The following FREM1 variants were observed in gnomAD, a reference collection of about 807,000 sequenced individuals.
FREM1 encodes the protein FRAS1 related extracellular matrix 1.
A neutral mutation model predicts 210.1 loss-of-function variants in FREM1; 220 were observed. The ratio of observed to expected loss-of-function variants is 1.05; its 90% CI spans 0.94 to 1.17. FREM1 has a LOEUF of 1.17. Among genes scored for constraint, FREM1 ranks in the 50% most tolerant of loss-of-function variants. The pLI, the probability that FREM1 is intolerant of heterozygous loss-of-function variation, is 0.00. For synonymous variants in FREM1, 1,189 were observed against 980.2 expected, an observed-to-expected ratio of 1.21 and a Z score of -3.98; for missense variants, 3,454 against 2,675.5, an observed-to-expected ratio of 1.29 and a Z score of -6.42.
At chr9:14,872,264 G>A (rs1050540377) in intron 1 of FREM1, among the ~76,000 whole-genome samples, 6 of 152,210 alleles carry the variant, frequency 3.9e-5, no homozygotes, top group African/African-American at 1.4e-4. Flanking sequence ...TGGGCAGTAT[G>A]GCCATTTTCA....
At position 14,836,884 on chromosome 9, in the gene FREM1, G is replaced by C. The variant is rs1258226529; in HGVS notation, c.1881+4563C>G. Among the ~76,000 whole-genome samples, 2 of 152,178 alleles carry C rather than the reference G, an allele frequency of 1.3e-5. No individual in the cohort carries two copies. The highest frequency in any genetic ancestry group is 4.1e-4 in the South Asian group (2 of 4,830). ...TGATATTGCCGCAGGGAGGAATGTG[G>C]TAGGAGTTATTAAGAAAAAGAAATT... On this transcript the variant is annotated intron_variant, in intron 10 of 36. Coordinates refer to ENST00000380880, the MANE Select transcript of FREM1 (RefSeq NM_001379081.2). The surrounding 1 kb of genome is among the most constrained non-coding windows in gnomAD (Gnocchi z 4.9).
intron 21 of FREM1, among the ~76,000 whole-genome samples, chr9:14,794,708 G>A (rs888524341): frequency 3.9e-5 from 6 of 152,152 alleles, no homozygotes; most frequent in Non-Finnish European, 7.4e-5. Flanking sequence ...CTTTAATAAA[G>A]TGGAGATTGG....
intron 1 of FREM1, among the ~76,000 whole-genome samples, chr9:14,887,388 T>G (rs1249414719): frequency 6.6e-6 from 1 of 152,224 alleles, no homozygotes; most frequent in Non-Finnish European, 1.5e-5. Flanking sequence ...CCCTTTCCCC[T>G]GTATCCTGAC....
chr9:14,859,076 T>C, intron 4 of FREM1, 107 bp downstream of exon 4: 1 of 908,968 alleles, frequency 1.1e-6, no homozygotes, highest in Non-Finnish European at 1.6e-6. Context: ...TTCAGCCAGC[T>C]AAAATGACTA....
At chr9:14,886,625 G>A (rs72713629) in intron 1 of FREM1, among the ~76,000 whole-genome samples, 11,306 of 151,978 alleles carry the variant, frequency 0.074, 614 homozygotes, top group African/African-American at 0.15. Context: ...TACAGGGGCG[G>A]TGGCTCACTC....
At chr9:14,824,704 C>A in intron 11 of FREM1, 92 bp downstream of exon 11, 1 of 865,204 alleles carries the variant, frequency 1.2e-6, no homozygotes, top group South Asian at 1.7e-5. Flanking sequence ...GCAAGTAAAC[C>A]ACAGTACTAT....
chr9:14,846,573 C>T (rs1046391972), intron 7 of FREM1, among the ~76,000 whole-genome samples: 2 of 152,106 alleles, frequency 1.3e-5, no homozygotes, highest in African/African-American at 2.4e-5. Flanking sequence ...GACATGCCAA[C>T]GTGCCTGCTT....
chr9:14,895,319 G>C (rs1837514864), intron 1 of FREM1, among the ~76,000 whole-genome samples: 1 of 152,178 alleles, frequency 6.6e-6, no homozygotes, highest in Non-Finnish European at 1.5e-5. Context: ...GGAAACTGGA[G>C]AGAGAAATTA....
At chr9:14,821,556 C>T (rs1434268158) in intron 13 of FREM1, among the ~76,000 whole-genome samples, 1 of 152,176 alleles carries the variant, frequency 6.6e-6, no homozygotes. Flanking sequence ...AAGTTGACTC[C>T]ATAAGCATTC....
intron 25 of FREM1, among the ~76,000 whole-genome samples, chr9:14,773,487 C>T (rs1847968141): frequency 6.6e-6 from 1 of 152,140 alleles, no homozygotes; most frequent in Non-Finnish European, 1.5e-5. Flanking sequence ...TCCTACACTG[C>T]TGGTGGGGTC....
chr9:14,790,135 G>A (rs1851055486), intron 22 of FREM1, among the ~76,000 whole-genome samples: 1 of 152,164 alleles, frequency 6.6e-6, no homozygotes, highest in African/African-American at 2.4e-5. Flanking sequence ...ACAGCAAGGG[G>A]AGGTGGCACA....
chr9:14,793,082 G>A (rs886768718), intron 21 of FREM1, among the ~76,000 whole-genome samples, 198 bp from the exon 22 acceptor site: 8 of 152,162 alleles, frequency 5.3e-5, no homozygotes, highest in Non-Finnish European at 1.0e-4. Context: ...AAAGACAATG[G>A]GTCAGCCCTA....
chr9:14,816,990 A>ACAG (rs1820427986), intron 14 of FREM1, 119 bp from the exon 15 acceptor site: 1 of 390,836 alleles, frequency 2.6e-6, no homozygotes, highest in African/African-American at 2.1e-5. Flanking sequence ...ATAAATAGCA[A>ACAG]CAACAACAAC....
rs1829364091 is a variant in FREM1 at position 14,859,293 on chromosome 9, C to G, written c.521G>C (p.Ser174Thr). Residue 174 changes from serine to threonine, a missense_variant, in exon 4 of 37, where the codon AGC becomes ACC. Ser to Thr is a moderately conservative substitution (Grantham distance 58). Transcript: ENST00000380880. Reference protein sequence around the residue: ...DRMASLECTVSLDTARTRLPA... With the variant: ...DRMASLECTVTLDTARTRLPA... ...CAGCCGAGTTCTCGCAGTGTCCAGG[C>G]TGACGGTACATTCCAGGCTAGCCAT... is the stretch of plus-strand genomic sequence containing the variant. 3 of 1,613,778 alleles carry G rather than the reference C, an allele frequency of 1.9e-6. No homozygotes were observed. Among genetic ancestry groups the G allele is most frequent in the East Asian group, 2.2e-5 (1 of 44,880 alleles).
intron 1 of FREM1, among the ~76,000 whole-genome samples, chr9:14,872,276 G>A (rs1398855792): frequency 2.0e-5 from 3 of 152,084 alleles, no homozygotes; most frequent in Non-Finnish European, 4.4e-5. Flanking sequence ...CCATTTTCAC[G>A]ATATTGATTC....
At chr9:14,792,520 G>C (rs1028006204) in intron 22 of FREM1, among the ~76,000 whole-genome samples, 1 of 152,136 alleles carries the variant, frequency 6.6e-6, no homozygotes, top group Non-Finnish European at 1.5e-5. Flanking sequence ...ATAATCCTAC[G>C]GGAGAGGGAG....
chr9:14,872,335 T>G (rs1832832544), intron 1 of FREM1, among the ~76,000 whole-genome samples: 1 of 152,140 alleles, frequency 6.6e-6, no homozygotes, highest in Non-Finnish European at 1.5e-5. Context: ...GTATCCTCTT[T>G]TATTTCATTG....
intron 30 of FREM1, among the ~76,000 whole-genome samples, chr9:14,749,378 T>C (rs1220359550): frequency 2.6e-5 from 4 of 151,832 alleles, no homozygotes; most frequent in South Asian, 4.2e-4. Flanking sequence ...CATTTTTTTA[T>C]AGAGTAGGAA....
chr9:14,743,580 A>T (rs1841923458), intron 35 of FREM1, among the ~76,000 whole-genome samples: 1 of 152,100 alleles, frequency 6.6e-6, no homozygotes, highest in African/African-American at 2.4e-5. Context: ...TTTCTCATAC[A>T]TTAAGAACCA....
Sources: gnomAD v4.1 joint callset for allele counts (sites outside exome capture counted in the v4.1 genomes callset) on GRCh38, gnomAD v4.1.1 for gene constraint, Gnocchi (gnomAD v3.1) non-coding constraint, MANE v1.5 for transcripts, NCBI Gene and HGNC (gene_info 2026-07-23, HGNC 2026-07-21) for gene names.